Variants in VEPH1 observed in about 807,000 individuals in gnomAD.
The protein encoded by VEPH1 is ventricular zone-expressed PH domain-containing protein homolog 1.
Under a neutral mutation model 85.2 loss-of-function variants are expected in VEPH1, and 80 were observed. That is an observed-to-expected ratio of 0.94 (90% CI 0.78 to 1.13). VEPH1 has a LOEUF of 1.13. Among genes scored for constraint, VEPH1 ranks in the 50% most tolerant of loss-of-function variants. The pLI is 0.00. For missense variants in VEPH1, 955 were observed against 980.5 expected (o/e 0.97, Z 0.35); for synonymous variants, 297 against 348.0 (o/e 0.85, Z 1.63).
chr3:157,295,335 G>A (rs140638629), intron 11 of VEPH1, among the ~76,000 whole-genome samples: 153 of 152,196 alleles, frequency 1.0e-3, no homozygotes, highest in South Asian at 6.8e-3. Flanking sequence ...AGGAGGCTGA[G>A]GTAGAAGGAT....
intron 6 of VEPH1, among the ~76,000 whole-genome samples, chr3:157,399,406 G>C (rs2108966978): frequency 6.6e-6 from 1 of 152,160 alleles, no homozygotes; most frequent in African/African-American, 2.4e-5. Flanking sequence ...TTTTCTTTGT[G>C]ACCTGAACCC....
intron 12 of VEPH1, among the ~76,000 whole-genome samples, chr3:157,266,968 A>G (rs16827382): frequency 0.13 from 20,055 of 152,148 alleles, 2,240 homozygotes; most frequent in African/African-American, 0.3. Context: ...TGCCTTTTGT[A>G]CACTACCATT....
At chr3:157,322,654 C>CT (rs1170793266) in intron 9 of VEPH1, among the ~76,000 whole-genome samples, 1 of 152,184 alleles carries the variant, frequency 6.6e-6, no homozygotes, top group African/African-American at 2.4e-5. Flanking sequence ...TTGCTCAGGG[C>CT]TATGAGGGCT....
At chr3:157,299,218 G>A (rs1337193941) in intron 11 of VEPH1, among the ~76,000 whole-genome samples, 2 of 152,018 alleles carry the variant, frequency 1.3e-5, no homozygotes, top group African/African-American at 2.4e-5. Context: ...GTACACATGG[G>A]CTCAGATAAA....
chr3:157,439,742 G>A (rs1577662917), intron 4 of VEPH1, among the ~76,000 whole-genome samples: 1 of 152,062 alleles, frequency 6.6e-6, no homozygotes, highest in Non-Finnish European at 1.5e-5. Context: ...GCACCCTCTT[G>A]AACACTACTT....
chr3:157,287,840 C>T (rs1716979611), intron 11 of VEPH1, among the ~76,000 whole-genome samples: 1 of 152,206 alleles, frequency 6.6e-6, no homozygotes, highest in Admixed American at 6.5e-5. Flanking sequence ...GCTGGGATTG[C>T]AGGCATGAGC....
Position 157,423,238 on chromosome 3 carries a change from C to T in VEPH1, c.696+5084G>A, listed in dbSNP as rs144975890. ...TTTATAGTGCACTGAAAGAAACAGT[C>T]GTGCAAAAATAACAACATATTGCTC... is the stretch of plus-strand genomic sequence containing the variant. On this transcript the variant is annotated intron_variant, in intron 5 of 13. Transcript: ENST00000362010. 3.6e-3 allele frequency among the ~76,000 whole-genome samples: 552 copies of T among 152,264 alleles called. 10 individuals carry two copies. The highest frequency in any genetic ancestry group is 0.013 in the South Asian group (64 of 4,826).
chr3:157,314,900 T>C (rs1013048902), intron 10 of VEPH1, among the ~76,000 whole-genome samples: 1 of 152,124 alleles, frequency 6.6e-6, no homozygotes, highest in African/African-American at 2.4e-5. Context: ...TTTGTATATT[T>C]ACTAATCAAT....
At chr3:157,359,605 T>A (rs566303986) in intron 9 of VEPH1, among the ~76,000 whole-genome samples, 164 of 152,300 alleles carry the variant, frequency 1.1e-3, no homozygotes, top group Admixed American at 0.01. Context: ...TATTGCCTGT[T>A]CCCAGTGTGA....
chr3:157,503,511 C>T (rs1015379703), upstream of VEPH1: 10 of 152,312 alleles, frequency 6.6e-5, no homozygotes, highest in African/African-American at 1.9e-4. Flanking sequence ...CTTCTCTCTC[C>T]CAAACTTCTG....
At chr3:157,438,543 A>G (rs1263370779) in intron 4 of VEPH1, among the ~76,000 whole-genome samples, 1 of 152,156 alleles carries the variant, frequency 6.6e-6, no homozygotes, top group Non-Finnish European at 1.5e-5. Flanking sequence ...TTAGCGCGAC[A>G]GGGGAGGTCG....
intron 6 of VEPH1, among the ~76,000 whole-genome samples, chr3:157,407,697 T>A (rs544625131): frequency 6.6e-6 from 1 of 152,226 alleles, no homozygotes; most frequent in East Asian, 1.9e-4. Context: ...AGTTTTCACC[T>A]CCCTAATTTC....
chr3:157,375,853 A>G (rs1231329320), intron 7 of VEPH1, among the ~76,000 whole-genome samples: 1 of 152,160 alleles, frequency 6.6e-6, no homozygotes, highest in African/African-American at 2.4e-5. Flanking sequence ...CACTACCACC[A>G]TCACTACCAA....
intron 6 of VEPH1, among the ~76,000 whole-genome samples, chr3:157,402,758 T>C (rs1398751981): frequency 6.6e-6 from 1 of 152,164 alleles, no homozygotes; most frequent in African/African-American, 2.4e-5. Flanking sequence ...AATTATTCAT[T>C]TACTTTATTA....
At chr3:157,424,047 A>G (rs1577620672) in intron 5 of VEPH1, among the ~76,000 whole-genome samples, 1 of 152,120 alleles carries the variant, frequency 6.6e-6, no homozygotes, top group African/African-American at 2.4e-5. Flanking sequence ...TCCTCTCCCA[A>G]ATCGCATGTT....
At chr3:157,378,087 G>A (rs1421799776) in intron 7 of VEPH1, among the ~76,000 whole-genome samples, 1 of 151,944 alleles carries the variant, frequency 6.6e-6, no homozygotes. Context: ...CAGTTCAGCT[G>A]TGCATACAGC....
Position 157,443,913 on chromosome 3 carries a change from A to G in VEPH1, c.530-15425T>C, listed in dbSNP as rs183719390. On this transcript the variant is annotated intron_variant, in intron 4 of 13. Coordinates refer to ENST00000362010, the MANE Select transcript of VEPH1 (RefSeq NM_001167912.2). Reference sequence around the variant, plus strand: ...CTTATACAACTTTCTGTACTGTGTAACATAAAAACAAACACCAAACATGAA... The same window carrying G: ...CTTATACAACTTTCTGTACTGTGTAGCATAAAAACAAACACCAAACATGAA... 1.7e-3 allele frequency among the ~76,000 whole-genome samples: 263 copies of G among 152,338 alleles called. 6 individuals carry two copies. The East Asian group carries it at 0.037, about 21-fold the overall frequency.
intron 6 of VEPH1, among the ~76,000 whole-genome samples, chr3:157,406,352 C>T (rs901734733): frequency 1.3e-5 from 2 of 152,048 alleles, no homozygotes; most frequent in Non-Finnish European, 2.9e-5. Context: ...GTAAATCATC[C>T]ACCCAGCTCC....
chr3:157,429,451 T>A (rs755898578), intron 4 of VEPH1, among the ~76,000 whole-genome samples: 3 of 152,180 alleles, frequency 2.0e-5, no homozygotes, highest in Non-Finnish European at 4.4e-5. Context: ...AAGGCCAGAA[T>A]TTTCAGAATA....
Sources: gnomAD v4.1 joint callset for allele counts (sites outside exome capture counted in the v4.1 genomes callset) on GRCh38, gnomAD v4.1.1 for gene constraint, MANE v1.5 for transcripts, NCBI Gene and HGNC (gene_info 2026-07-23, HGNC 2026-07-21) for gene names.